DLG2: variants seen among roughly 807,000 people sequenced by gnomAD.
DLG2 encodes disks large homolog 2.
A neutral mutation model predicts 132.5 loss-of-function variants in DLG2; 45 were observed. The ratio of observed to expected loss-of-function variants is 0.34; its 90% CI spans 0.27 to 0.44. The LOEUF is 0.44. Ranked by LOEUF, DLG2 falls within the 20% of genes least tolerant of loss-of-function variation. DLG2 has a pLI of 1.00. For missense variants in DLG2, 1,045 were observed against 1,196.9 expected (o/e 0.87, Z 1.87); for synonymous variants, 424 against 419.6 (o/e 1.01, Z -0.13).
rs964754959 is a variant in DLG2, at chr11:83,848,949, A to G, written c.1566-15179T>C. 1.4e-4 allele frequency among the ~76,000 whole-genome samples: 22 copies of G among 152,206 alleles called. 1 individual carries two copies. Among genetic ancestry groups the G allele is most frequent in the African/African-American group, 4.3e-4 (18 of 41,450 alleles). On this transcript the variant is annotated intron_variant, in intron 16 of 27. Transcript: ENST00000376104. The stretch of plus-strand genomic sequence containing the variant: ...TTCCCAGAGCATTTTATTTGGGGGC[A>G]TTATAGCACTATCACTTAAAAATAG...
chr11:83,999,826 G>A (rs955161023), intron 11 of DLG2, among the ~76,000 whole-genome samples: 3 of 151,752 alleles, frequency 2.0e-5, no homozygotes, highest in African/African-American at 7.3e-5. Context: ...AAGCCAAAGT[G>A]CCCTACACAA....
chr11:83,748,973 C>A (rs1466322286), intron 18 of DLG2, among the ~76,000 whole-genome samples: 2 of 152,164 alleles, frequency 1.3e-5, no homozygotes, highest in African/African-American at 4.8e-5. Context: ...CATACTCTAA[C>A]ATTTTATGGG....
intron 6 of DLG2, among the ~76,000 whole-genome samples, chr11:85,068,579 G>C (rs1179849365): frequency 6.6e-6 from 1 of 151,948 alleles, no homozygotes; most frequent in African/African-American, 2.4e-5. Context: ...AAATACCTAG[G>C]AATCCAACTT....
intron 6 of DLG2, among the ~76,000 whole-genome samples, chr11:84,905,886 C>A (rs2091448987): frequency 2.0e-5 from 3 of 152,164 alleles, no homozygotes; most frequent in African/African-American, 7.2e-5. Flanking sequence ...ATTGCATACA[C>A]ATGGTACAGT....
At chr11:83,866,194 T>A (rs917412623) in intron 16 of DLG2, among the ~76,000 whole-genome samples, 1 of 152,174 alleles carries the variant, frequency 6.6e-6, no homozygotes, top group Non-Finnish European at 1.5e-5. Context: ...GCTTTGCTCA[T>A]CATTATATTC....
intron 6 of DLG2, among the ~76,000 whole-genome samples, chr11:84,934,513 TTGTTTTG>T (rs1274013483): frequency 1.5e-5 from 1 of 66,056 alleles, no homozygotes; most frequent in African/African-American, 8.1e-5. Flanking sequence ...TGTTTTTTTT[TTGTTTTG>T]TTTTGTTTTT....
At chr11:83,981,515 C>T (rs941127228) in intron 11 of DLG2, among the ~76,000 whole-genome samples, 5 of 152,032 alleles carry the variant, frequency 3.3e-5, no homozygotes, top group Non-Finnish European at 5.9e-5. Context: ...GATTTCAGCT[C>T]GCTGCAACCT....
At chr11:83,888,883 T>G (rs1354778449) in intron 15 of DLG2, among the ~76,000 whole-genome samples, 1 of 152,216 alleles carries the variant, frequency 6.6e-6, no homozygotes, top group Non-Finnish European at 1.5e-5. Context: ...TACATGGTGC[T>G]GGGAAAACTG....
chr11:84,949,548 G>A (rs1467747320), intron 6 of DLG2, among the ~76,000 whole-genome samples: 2 of 151,984 alleles, frequency 1.3e-5, no homozygotes, highest in Non-Finnish European at 2.9e-5. Flanking sequence ...GCAGTTCAGA[G>A]ACCTACCCCT....
At chr11:85,351,405 C>G (rs959567507) in intron 3 of DLG2, among the ~76,000 whole-genome samples, 2 of 152,154 alleles carry the variant, frequency 1.3e-5, no homozygotes, top group African/African-American at 4.8e-5. Flanking sequence ...CCTTTATTTC[C>G]TGCTCTTGCC....
chr11:85,257,623 G>A (rs2076734847), intron 4 of DLG2, among the ~76,000 whole-genome samples: 1 of 152,114 alleles, frequency 6.6e-6, no homozygotes, highest in South Asian at 2.1e-4. Flanking sequence ...CTGCTATTTT[G>A]AGCTTGCCAG....
At chr11:84,570,801 A>T (rs1238777338) in intron 6 of DLG2, among the ~76,000 whole-genome samples, 1 of 152,202 alleles carries the variant, frequency 6.6e-6, no homozygotes, top group Non-Finnish European at 1.5e-5. Context: ...ACTTGGCTAC[A>T]TAGATGCTGG....
At chr11:84,407,115 C>T (rs1189705506) in intron 7 of DLG2, among the ~76,000 whole-genome samples, 1 of 152,054 alleles carries the variant, frequency 6.6e-6, no homozygotes, top group Non-Finnish European at 1.5e-5. Context: ...CACCTGGTGC[C>T]CCAGTTCTGA....
At chr11:84,670,101 A>T (rs1157315353) in intron 6 of DLG2, among the ~76,000 whole-genome samples, 1 of 152,180 alleles carries the variant, frequency 6.6e-6, no homozygotes, top group Non-Finnish European at 1.5e-5. Flanking sequence ...CCATCCAAAG[A>T]AATGAAGACT....
At chr11:84,805,593 T>G (rs1342294447) in intron 6 of DLG2, among the ~76,000 whole-genome samples, 2 of 152,110 alleles carry the variant, frequency 1.3e-5, no homozygotes, top group African/African-American at 4.8e-5. Flanking sequence ...GGGTTGGTTG[T>G]TTTAAAGTGT....
At chr11:83,953,601 C>T (rs2086048963) in intron 14 of DLG2, among the ~76,000 whole-genome samples, 1 of 152,170 alleles carries the variant, frequency 6.6e-6, no homozygotes, top group African/African-American at 2.4e-5. Context: ...CAGGAAATCA[C>T]CCAGGGATTG....
intron 14 of DLG2, among the ~76,000 whole-genome samples, chr11:83,951,379 A>G (rs1055992479): frequency 1.3e-5 from 2 of 152,120 alleles, no homozygotes; most frequent in Admixed American, 1.3e-4. Flanking sequence ...GATGACAGAC[A>G]ACAAACAAAT....
At chr11:84,125,943 A>G (rs1372510890) in intron 9 of DLG2, among the ~76,000 whole-genome samples, 2 of 152,232 alleles carry the variant, frequency 1.3e-5, no homozygotes, top group South Asian at 2.1e-4. Context: ...AAATCAAGAT[A>G]CCTTTGATTC....
chr11:85,441,197 C>T (rs573060309), intron 3 of DLG2, among the ~76,000 whole-genome samples: 1 of 152,290 alleles, frequency 6.6e-6, no homozygotes, highest in East Asian at 1.9e-4. Context: ...GTATATCCCA[C>T]AGAAAGCACA....
Sources: allele counts gnomAD v4.1 joint callset (sites outside exome capture counted in the v4.1 genomes callset), GRCh38; gene constraint gnomAD v4.1.1; transcripts MANE v1.5; gene names NCBI Gene and HGNC (gene_info 2026-07-23, HGNC 2026-07-21).